Variants in TBCEL observed in about 807,000 individuals in gnomAD.
The protein encoded by TBCEL is tubulin folding cofactor E like.
TBCEL carries 15 observed loss-of-function variants against 44.2 expected under a neutral mutation model. The observed-to-expected ratio is 0.34, with a 90% CI of 0.23 to 0.52. The LOEUF (loss-of-function observed/expected upper bound fraction) is 0.52, where lower values mean the gene tolerates loss of function less well. TBCEL is among the 20% of genes least tolerant of loss of function. The probability of loss-of-function intolerance (pLI) is 0.95; values close to 1 mark genes in which losing one functional copy is unlikely to be tolerated. For synonymous variants in TBCEL, 171 were observed against 185.4 expected (o/e 0.92, Z 0.63); for missense variants, 319 against 506.3 (o/e 0.63, Z 3.55).
chr11:121,066,476 T>G, intron 8 of TBCEL, among the ~76,000 whole-genome samples: 1 of 152,228 alleles, frequency 6.6e-6, no homozygotes, highest in East Asian at 1.9e-4. Flanking sequence ...GGCATTCAGA[T>G]GCTGGACAGC....
chr11:121,035,955 T>C (rs1945224025), intron 1 of TBCEL: 1 of 152,200 alleles, frequency 6.6e-6, no homozygotes, highest in African/African-American at 2.4e-5. Context: ...GTAAGTTATG[T>C]TTCCATGTCT....
At chr11:121,046,643 A>C (rs1185915911) in intron 3 of TBCEL, among the ~76,000 whole-genome samples, 2 of 152,028 alleles carry the variant, frequency 1.3e-5, no homozygotes, top group East Asian at 3.9e-4. Context: ...GAAAGTAGCA[A>C]GTTGAAAACC....
intron 8 of TBCEL, among the ~76,000 whole-genome samples, chr11:121,083,266 T>C (rs955409575): frequency 4.6e-5 from 7 of 152,092 alleles, no homozygotes; most frequent in African/African-American, 1.4e-4. Context: ...ATGGGATACG[T>C]AGGAAGATAA....
At chr11:121,039,686 T>C (rs141657791) in intron 2 of TBCEL, among the ~76,000 whole-genome samples, 222 of 152,334 alleles carry the variant, frequency 1.5e-3, no homozygotes, top group African/African-American at 4.9e-3. Flanking sequence ...AAACAATTGG[T>C]AAGGAAATTC....
At chr11:121,055,414 G>A in intron 6 of TBCEL, 106 bp downstream of exon 6, 1 of 1,244,266 alleles carries the variant, frequency 8.0e-7, no homozygotes, top group Non-Finnish European at 1.0e-6. Flanking sequence ...CTTTTTTAGA[G>A]TGAATTTTCT....
At chr11:121,075,109 T>C (rs1220048857) in intron 8 of TBCEL, among the ~76,000 whole-genome samples, 1 of 151,954 alleles carries the variant, frequency 6.6e-6, no homozygotes, top group East Asian at 1.9e-4. Context: ...GTGCACTTTA[T>C]TGTGTGTGTC....
intron 8 of TBCEL, among the ~76,000 whole-genome samples, chr11:121,085,460 T>G (rs1280013943): frequency 6.6e-6 from 1 of 152,232 alleles, no homozygotes; most frequent in Non-Finnish European, 1.5e-5. Flanking sequence ...TTGGTTCTTA[T>G]GACTGTCTTA....
At chr11:121,063,389 G>T (rs1267759475) in intron 8 of TBCEL, among the ~76,000 whole-genome samples, 4 of 152,004 alleles carry the variant, frequency 2.6e-5, no homozygotes, top group Non-Finnish European at 1.5e-5. Flanking sequence ...TGCATTCCTT[G>T]CACAAATGAA....
intron 5 of TBCEL, 39 bp from the exon 6 acceptor site, chr11:121,055,013 C>T (rs753325073): frequency 8.9e-5 from 124 of 1,397,996 alleles, no homozygotes; most frequent in Non-Finnish European, 1.1e-4. Context: ...AGAAATTAAA[C>T]TGCTTTAAAC....
Position 121,087,721 on chromosome 11 carries a change from T to C in TBCEL, c.*625T>C, listed in dbSNP as rs1177177037. On this transcript the variant is annotated 3_prime_UTR_variant, in exon 9 of 9. Coordinates refer to ENST00000683345, the MANE Select transcript of TBCEL (RefSeq NM_001363644.2). ...AGTGTTTTAAGCATTTTTAACCTGATTCTAATCTCAGGTACGCAGTAAGAA... is the reference window on the plus strand; with the variant it reads ...AGTGTTTTAAGCATTTTTAACCTGACTCTAATCTCAGGTACGCAGTAAGAA... 1 of 152,320 alleles carries C rather than the reference T, an allele frequency of 6.6e-6. No homozygotes were observed. Among genetic ancestry groups the C allele is most frequent in the Non-Finnish European group, 1.5e-5 (1 of 68,150 alleles). The allele number at this position is 152,320 out of a possible 1,614,324, so 9.4% of individuals were successfully genotyped here.
intron 1 of TBCEL, among the ~76,000 whole-genome samples, chr11:121,026,891 C>A (rs529553974): frequency 3.3e-5 from 5 of 152,242 alleles, no homozygotes; most frequent in Admixed American, 2.0e-4. Context: ...AGAAGTGACC[C>A]TGAGTGATTG....
chr11:121,057,630 C>T (rs534715687), intron 6 of TBCEL: 17 of 454,646 alleles, frequency 3.7e-5, no homozygotes, highest in Non-Finnish European at 6.6e-5. Flanking sequence ...TGTGTCTGCA[C>T]TGAACATGCA....
chr11:121,069,556 C>T (rs1235418713), intron 8 of TBCEL, among the ~76,000 whole-genome samples: 8 of 152,034 alleles, frequency 5.3e-5, no homozygotes, highest in Admixed American at 2.6e-4. Context: ...TTTGGGAGGC[C>T]GAGGTGGGTG....
At chr11:121,028,686 A>G (rs1037051477) in intron 1 of TBCEL, among the ~76,000 whole-genome samples, 2 of 152,248 alleles carry the variant, frequency 1.3e-5, no homozygotes, top group Admixed American at 6.5e-5. Flanking sequence ...GCCTAGCACA[A>G]CAGTGGTCAC....
intron 1 of TBCEL, among the ~76,000 whole-genome samples, chr11:121,026,018 T>C (rs1283675518): frequency 6.6e-6 from 1 of 152,190 alleles, no homozygotes; most frequent in African/African-American, 2.4e-5. Context: ...ACTGTTCCAA[T>C]GTTGTGAAGA....
intron 8 of TBCEL, among the ~76,000 whole-genome samples, chr11:121,066,554 T>C (rs1453684286): frequency 2.6e-5 from 4 of 152,226 alleles, no homozygotes; most frequent in African/African-American, 4.8e-5. Context: ...CCCTGTGGAA[T>C]TACCCATTTA....
intron 8 of TBCEL, among the ~76,000 whole-genome samples, chr11:121,060,952 A>G (rs573169191): frequency 5.9e-5 from 9 of 151,962 alleles, no homozygotes; most frequent in African/African-American, 9.6e-5. Context: ...GAATGTGTCT[A>G]TTTTCCCCCC....
At chr11:121,034,841 C>T (rs538277031) in intron 1 of TBCEL, among the ~76,000 whole-genome samples, 23 of 152,206 alleles carry the variant, frequency 1.5e-4, no homozygotes, top group African/African-American at 5.1e-4. Flanking sequence ...AAGGAAACAT[C>T]GCTATAGGGA....
intron 2 of TBCEL, among the ~76,000 whole-genome samples, chr11:121,041,559 T>TA (rs1443784243): frequency 1.3e-5 from 2 of 152,158 alleles, no homozygotes; most frequent in African/African-American, 4.8e-5. Flanking sequence ...AGAACTCTGC[T>TA]AACTATAGAG....
Sources: allele counts gnomAD v4.1 joint callset (sites outside exome capture counted in the v4.1 genomes callset), GRCh38; gene constraint gnomAD v4.1.1; transcripts MANE v1.5; gene names NCBI Gene and HGNC (gene_info 2026-07-23, HGNC 2026-07-21).